The following SOX6 variants were observed in gnomAD, a reference collection of about 807,000 sequenced individuals.
SOX6 encodes SRY-box transcription factor 6, also known as transcription factor SOX-6.
Under a neutral mutation model 97.8 loss-of-function variants are expected in SOX6, and 11 were observed. The ratio of observed to expected loss-of-function variants is 0.11; its 90% CI spans 0.07 to 0.19. The LOEUF (loss-of-function observed/expected upper bound fraction) is 0.19, where lower values mean the gene tolerates loss of function less well. Ranked by LOEUF, SOX6 falls within the 10% of genes least tolerant of loss-of-function variation. The probability of loss-of-function intolerance (pLI) is 1.00; values close to 1 mark genes in which losing one functional copy is unlikely to be tolerated. For missense variants in SOX6, 810 were observed against 1,039.5 expected, an observed-to-expected ratio of 0.78 and a Z score of 3.04; for synonymous variants, 360 against 371.4, an observed-to-expected ratio of 0.97 and a Z score of 0.35.
intron 4 of SOX6, among the ~76,000 whole-genome samples, chr11:16,526,760 A>G (rs1003287713): frequency 9.2e-5 from 14 of 152,280 alleles, no homozygotes; most frequent in Admixed American, 3.9e-4. Context: ...TTTACTTAAA[A>G]TAAGACCCAG....
chr11:16,288,082 T>A (rs1324134857), intron 3 of SOX6, among the ~76,000 whole-genome samples: 1 of 152,112 alleles, frequency 6.6e-6, no homozygotes, highest in Non-Finnish European at 1.5e-5. Context: ...TGGCTATTCA[T>A]TAACTTGATT....
chr11:15,995,584 C>T (rs1046746459), intron 13 of SOX6, among the ~76,000 whole-genome samples: 24 of 151,984 alleles, frequency 1.6e-4, no homozygotes, highest in African/African-American at 5.6e-4. Context: ...GGAAGAAAAA[C>T]ACTGGCTGAA....
intron 1 of SOX6, among the ~76,000 whole-genome samples, chr11:16,348,215 C>G (rs1029384616): frequency 3.3e-5 from 5 of 152,118 alleles, no homozygotes; most frequent in Non-Finnish European, 7.4e-5. Flanking sequence ...ACACAAGCAT[C>G]AAAGCAGTTA....
Position 16,132,444 on chromosome 11 carries a change from A to AAAAGAAAGAAAGAAAG in SOX6, c.778-20537_778-20522dup, listed in dbSNP as rs59652288. On this transcript the variant is annotated intron_variant, in intron 6 of 15. Coordinates refer to ENST00000683767, the MANE Select transcript of SOX6 (RefSeq NM_001367873.1). ...AAGAAAGAAAGAAAGAAAGAAAGAA[A>AAAAGAAAGAAAGAAAG]AAAGAAAGAAAGAAAGAAAGAAAGA... Among the ~76,000 whole-genome samples, 56 of 27,234 alleles carry AAAAGAAAGAAAGAAAG rather than the reference A, an allele frequency of 2.1e-3. 5 individuals are homozygous for AAAAGAAAGAAAGAAAG. Among genetic ancestry groups the AAAAGAAAGAAAGAAAG allele is most frequent in the East Asian group, 0.015 (10 of 672 alleles). The allele number at this position is 27,234 out of a possible 152,430, so 17.9% of individuals were successfully genotyped here.
At chr11:16,339,013 TTTTA>T (rs1856549114) in intron 2 of SOX6, among the ~76,000 whole-genome samples, 1 of 152,034 alleles carries the variant, frequency 6.6e-6, no homozygotes, top group Non-Finnish European at 1.5e-5. Flanking sequence ...GTCCAGTTAT[TTTTA>T]TTTGTCTATG....
chr11:16,359,484 T>C (rs1245785593), upstream of SOX6, among the ~76,000 whole-genome samples: 2 of 152,100 alleles, frequency 1.3e-5, no homozygotes, highest in African/African-American at 4.8e-5. Flanking sequence ...AAATCTCCAG[T>C]GGCCTTAGGA....
intron 13 of SOX6, among the ~76,000 whole-genome samples, chr11:16,004,333 T>A (rs1854490059): frequency 6.6e-6 from 1 of 152,052 alleles, no homozygotes; most frequent in Non-Finnish European, 1.5e-5. Flanking sequence ...TCCATCAGAA[T>A]GAATTTCTTC....
At chr11:15,989,732 TTGAATGAATTAATTCAA>T (rs1853986480) in intron 13 of SOX6, among the ~76,000 whole-genome samples, 1 of 152,186 alleles carries the variant, frequency 6.6e-6, no homozygotes, top group Admixed American at 6.5e-5. Context: ...TGTTTCATGA[TTGAATGAATTAATTCAA>T]TGAAAAATAT....
intron 3 of SOX6, among the ~76,000 whole-genome samples, chr11:16,298,115 T>A (rs1407972379): frequency 6.6e-6 from 1 of 152,210 alleles, no homozygotes; most frequent in African/African-American, 2.4e-5. Flanking sequence ...TAAAACATAC[T>A]AATATACGTT....
At chr11:16,216,161 C>T (rs1256890480) in intron 4 of SOX6, among the ~76,000 whole-genome samples, 1 of 152,190 alleles carries the variant, frequency 6.6e-6, no homozygotes, top group Non-Finnish European at 1.5e-5. Context: ...CACAAAATCA[C>T]TGTGATACAA....
intron 4 of SOX6, among the ~76,000 whole-genome samples, chr11:16,489,531 C>G (rs1860479806): frequency 6.6e-6 from 1 of 152,080 alleles, no homozygotes; most frequent in African/African-American, 2.4e-5. Context: ...ATAGAGTTAT[C>G]TAACTATCTT....
intron 3 of SOX6, among the ~76,000 whole-genome samples, chr11:16,238,367 A>G (rs1295998692): frequency 2.0e-5 from 3 of 152,140 alleles, no homozygotes. Flanking sequence ...ATAATAAATT[A>G]CAAAGCAATG....
intron 3 of SOX6, among the ~76,000 whole-genome samples, chr11:16,680,126 C>T (rs1001716595): frequency 3.9e-5 from 6 of 152,066 alleles, no homozygotes; most frequent in South Asian, 2.1e-4. Context: ...AAAGATACTC[C>T]GTGAGAAGAG....
At chr11:16,481,103 CCAT>C (rs1240344014), upstream of SOX6, among the ~76,000 whole-genome samples, 1 of 151,930 alleles carries the variant, frequency 6.6e-6, no homozygotes, top group Non-Finnish European at 1.5e-5. Flanking sequence ...CTCCAAAGCT[CCAT>C]CAATTTAAAA....
At chr11:16,691,945 A>T (rs1424862518) in intron 3 of SOX6, among the ~76,000 whole-genome samples, 1 of 152,196 alleles carries the variant, frequency 6.6e-6, no homozygotes, top group Non-Finnish European at 1.5e-5. Flanking sequence ...GTCCTAAAAA[A>T]TATTTCTCCA....
chr11:16,594,683 G>GTTTTTTTT (rs1565188995), intron 4 of SOX6, among the ~76,000 whole-genome samples: 10 of 47,818 alleles, frequency 2.1e-4, no homozygotes, highest in African/African-American at 8.0e-4. Context: ...TTCGGTTTTT[G>GTTTTTTTT]CTTTTTTTTT....
At chr11:16,532,941 G>A (rs1208744425) in intron 4 of SOX6, among the ~76,000 whole-genome samples, 1 of 151,846 alleles carries the variant, frequency 6.6e-6, no homozygotes, top group African/African-American at 2.4e-5. Context: ...ATTTTGGTGT[G>A]TGTTGCAATA....
chr11:16,731,827 T>G (rs2134060427), intron 2 of SOX6, among the ~76,000 whole-genome samples: 1 of 152,336 alleles, frequency 6.6e-6, no homozygotes, highest in East Asian at 1.9e-4. Context: ...ACAACATGAT[T>G]GCATATTTTG....
At position 16,719,307 on chromosome 11, in the gene SOX6, T is replaced by A. The variant is rs1848241656; in HGVS notation, n.354-4402A>T. Among the ~76,000 whole-genome samples, 2 of 152,186 alleles carry A rather than the reference T, an allele frequency of 1.3e-5. 1 individual carries two copies. Among genetic ancestry groups the A allele is most frequent in the South Asian group, 4.1e-4 (2 of 4,836 alleles). ...TTGTTATGGGCCAAAATCATTTGCA[T>A]CCTTTTCAGATGTATAAAATTTAAC... On this transcript the variant is annotated intron_variant and non_coding_transcript_variant, in intron 2 of 5. Transcript: ENST00000524520.
Sources: gnomAD v4.1 joint callset for allele counts (sites outside exome capture counted in the v4.1 genomes callset) on GRCh38, gnomAD v4.1.1 for gene constraint, MANE v1.5 for transcripts, NCBI Gene and HGNC (gene_info 2026-07-23, HGNC 2026-07-21) for gene names.